HDAC9: variants seen among roughly 807,000 people sequenced by gnomAD.
HDAC9 encodes histone deacetylase 9, also known as MEF-2 interacting transcription repressor (MITR) protein.
Under a neutral mutation model 139.4 loss-of-function variants are expected in HDAC9, and 41 were observed. The observed-to-expected ratio is 0.29, with a 90% CI of 0.23 to 0.38. The LOEUF (loss-of-function observed/expected upper bound fraction) is 0.38, where lower values mean the gene tolerates loss of function less well. Among genes scored for constraint, HDAC9 ranks in the 10% least tolerant of loss-of-function variants. HDAC9 has a pLI of 1.00. For synonymous variants in HDAC9, 517 were observed against 476.2 expected, an observed-to-expected ratio of 1.09 and a Z score of -1.12; for missense variants, 1,147 against 1,297.0, an observed-to-expected ratio of 0.88 and a Z score of 1.78.
Position 18,847,592 on chromosome 7 carries a change from T to C in HDAC9, c.2684+11595T>C, listed in dbSNP as rs772782026. 5.9e-5 allele frequency among the ~76,000 whole-genome samples: 9 copies of C among 152,292 alleles called. No individual in the cohort carries two copies. In the South Asian group the frequency reaches 1.9e-3, roughly 32 times the overall value. ...GGAATAAAGACGCCTCAGGAGACTC[T>C]ACAAAATTAAATCCCAGCTTCTAGA... On this transcript the variant is annotated intron_variant, in intron 21 of 25. Transcript: ENST00000686413.
rs1418588192 is a variant in HDAC9, at chr7:18,998,669, C to CACTT, written c.*2610_*2613dup. On this transcript the variant is annotated 3_prime_UTR_variant, in exon 26 of 26. Coordinates refer to ENST00000686413, the MANE Select transcript of HDAC9 (RefSeq NM_178425.4). ...AGTTTCACTTGGTATAGTTTTTCTT[C>CACTT]ACTTACCCGTTTAAATTTTATTGCT... 2 of 152,316 alleles carry CACTT rather than the reference C, an allele frequency of 1.3e-5. No homozygotes were observed. Among genetic ancestry groups the CACTT allele is most frequent in the South Asian group, 2.1e-4 (1 of 4,832 alleles). 9.4% of individuals were successfully genotyped at this position (152,316 alleles called of 1,614,324 possible).
intron 2 of HDAC9, among the ~76,000 whole-genome samples, chr7:18,198,357 A>T (rs1186074043): frequency 6.6e-6 from 1 of 152,172 alleles, no homozygotes; most frequent in Non-Finnish European, 1.5e-5. Flanking sequence ...AACACCATAG[A>T]GAAATTTTGG....
intron 1 of HDAC9, among the ~76,000 whole-genome samples, chr7:18,333,756 G>A (rs1781382243): frequency 6.6e-6 from 1 of 151,426 alleles, no homozygotes; most frequent in African/African-American, 2.4e-5. Context: ...ATCTAGCAAT[G>A]TTAAGGAGAA....
chr7:18,450,751 T>A (rs1792741802), intron 1 of HDAC9, among the ~76,000 whole-genome samples: 1 of 152,200 alleles, frequency 6.6e-6, no homozygotes, highest in Admixed American at 6.5e-5. Context: ...GCCAAACTTT[T>A]TATTCTATTT....
intron 2 of HDAC9, among the ~76,000 whole-genome samples, chr7:18,508,390 A>G (rs1800441153): frequency 6.6e-6 from 1 of 152,198 alleles, no homozygotes. Flanking sequence ...CTATTTCAAT[A>G]TTGTTACCTC....
chr7:18,427,667 A>G (rs1585821307), intron 1 of HDAC9, among the ~76,000 whole-genome samples: 2 of 145,662 alleles, frequency 1.4e-5, no homozygotes, highest in Non-Finnish European at 3.0e-5. Flanking sequence ...TCCACCTCTC[A>G]TCGCCCACCC....
chr7:18,963,464 G>A (rs1783657730), intron 24 of HDAC9, among the ~76,000 whole-genome samples: 2 of 152,140 alleles, frequency 1.3e-5, no homozygotes, highest in South Asian at 4.1e-4. Context: ...TTAAATAAAT[G>A]AATAAAATCC....
chr7:18,964,109 A>C (rs1294663942), intron 24 of HDAC9, among the ~76,000 whole-genome samples: 2 of 152,206 alleles, frequency 1.3e-5, no homozygotes, highest in Non-Finnish European at 2.9e-5. Flanking sequence ...CATGATGTAT[A>C]GCAGTTTGAC....
At position 18,887,090 on chromosome 7, in the gene HDAC9, A is replaced by G. The variant is rs958946442; in HGVS notation, c.2803+12494A>G. 1.1e-4 allele frequency among the ~76,000 whole-genome samples: 16 copies of G among 152,218 alleles called. 1 individual carries two copies. The highest frequency in any genetic ancestry group is 3.9e-4 in the African/African-American group (16 of 41,454). ...ACGTGTGTGGCTGATGAAGTAATCAAGGAAATCTTGGGGAATGGACGTGCA... is the reference window on the plus strand; with the variant it reads ...ACGTGTGTGGCTGATGAAGTAATCAGGGAAATCTTGGGGAATGGACGTGCA... On this transcript the variant is annotated intron_variant, in intron 22 of 25. Coordinates refer to ENST00000686413, the MANE Select transcript of HDAC9 (RefSeq NM_178425.4).
intron 2 of HDAC9, among the ~76,000 whole-genome samples, chr7:18,253,600 G>A (rs570669781): frequency 6.6e-6 from 1 of 152,190 alleles, no homozygotes; most frequent in African/African-American, 2.4e-5. Context: ...TAATGGAACT[G>A]ACAAACCACA....
chr7:18,265,288 C>T (rs1795924490), intron 2 of HDAC9, among the ~76,000 whole-genome samples: 1 of 152,086 alleles, frequency 6.6e-6, no homozygotes, highest in African/African-American at 2.4e-5. Context: ...GAAAGGCAGG[C>T]CCAAGCAAAA....
At chr7:18,127,907 T>TA (rs146865099) in intron 1 of HDAC9, among the ~76,000 whole-genome samples, 20 of 151,898 alleles carry the variant, frequency 1.3e-4, no homozygotes, top group African/African-American at 4.4e-4. Flanking sequence ...TTCGTGCATT[T>TA]AAAAAAAACT....
chr7:18,223,681 G>A (rs1036087776), intron 2 of HDAC9, among the ~76,000 whole-genome samples: 1 of 151,966 alleles, frequency 6.6e-6, no homozygotes, highest in Non-Finnish European at 1.5e-5. Flanking sequence ...GGGTTCACCT[G>A]TTTAATTTCA....
chr7:18,929,938 C>CA (rs778056495), intron 22 of HDAC9, among the ~76,000 whole-genome samples: 28 of 130,278 alleles, frequency 2.1e-4, no homozygotes, highest in Middle Eastern at 4.0e-3. Flanking sequence ...GACGCCGCCT[C>CA]AAAAAAAAAA....
intron 17 of HDAC9, among the ~76,000 whole-genome samples, chr7:18,794,533 T>C (rs1023409795): frequency 6.6e-6 from 1 of 152,240 alleles, no homozygotes; most frequent in African/African-American, 2.4e-5. Context: ...AAAAAGTAGA[T>C]GTGCCTGTAT....
intron 1 of HDAC9, among the ~76,000 whole-genome samples, chr7:18,488,680 G>C (rs913909232): frequency 6.6e-6 from 1 of 151,978 alleles, no homozygotes; most frequent in African/African-American, 2.4e-5. Flanking sequence ...GTTACTAGTA[G>C]TACAAGGTTC....
chr7:18,213,513 T>A (rs1253434412), intron 2 of HDAC9, among the ~76,000 whole-genome samples: 1 of 152,178 alleles, frequency 6.6e-6, no homozygotes, highest in East Asian at 1.9e-4. Flanking sequence ...TATGATCGTA[T>A]TCTTTGAGAA....
intron 1 of HDAC9, among the ~76,000 whole-genome samples, chr7:18,482,278 G>A (rs1030076197): frequency 3.3e-5 from 5 of 149,604 alleles, no homozygotes; most frequent in African/African-American, 4.9e-5. Context: ...GCATAGTGGT[G>A]TGTACCTGCA....
At chr7:18,525,840 A>G in intron 2 of HDAC9, among the ~76,000 whole-genome samples, 1 of 152,106 alleles carries the variant, frequency 6.6e-6, no homozygotes, top group East Asian at 1.9e-4. Flanking sequence ...GAGAAATTAC[A>G]ATCCCTAGTT....
Sources: allele counts gnomAD v4.1 joint callset (sites outside exome capture counted in the v4.1 genomes callset), GRCh38; gene constraint gnomAD v4.1.1; transcripts MANE v1.5; gene names NCBI Gene and HGNC (gene_info 2026-07-23, HGNC 2026-07-21).